ATP4A: variants seen among roughly 807,000 people sequenced by gnomAD.
The protein encoded by ATP4A is ATPase H+/K+ transporting subunit alpha.
Under a neutral mutation model 112.1 loss-of-function variants are expected in ATP4A, and 73 were observed. That is an observed-to-expected ratio of 0.65 (90% CI 0.54 to 0.79). The LOEUF (loss-of-function observed/expected upper bound fraction) is 0.79, where lower values mean the gene tolerates loss of function less well. ATP4A is among the 30% of genes least tolerant of loss of function. The pLI, the probability that ATP4A is intolerant of heterozygous loss-of-function variation, is 0.00. For missense variants in ATP4A, 1,081 were observed against 1,425.9 expected, an observed-to-expected ratio of 0.76 and a Z score of 3.90; for synonymous variants, 588 against 588.9, an observed-to-expected ratio of 1.00 and a Z score of 0.02.
rs756253917 is a variant in ATP4A at position 35,553,724 on chromosome 19, AG to A, written c.2586del (p.Tyr863ThrfsTer105). On this transcript the variant is annotated frameshift_variant, in exon 17 of 22. Transcript: ENST00000262623. LOFTEE classifies it high-confidence loss of function. ...RDRLVNEPLA[A>X]YSYFQIGAIQ... The stretch of plus-strand genomic sequence containing the variant: ...CACCCACCAATCTGGAAGTAGGAGT[AG>A]GCAGCCAGGGGCTCGTTGACCAATC... 2.5e-6 allele frequency: 4 copies of A among 1,613,592 alleles called. No individual in the cohort carries two copies. The highest frequency in any genetic ancestry group is 3.4e-6 in the Non-Finnish European group (4 of 1,179,874).
intron 16 of ATP4A, 159 bp from the exon 17 acceptor site, chr19:35,553,988 G>T: frequency 1.0e-6 from 1 of 999,118 alleles, no homozygotes; most frequent in Non-Finnish European, 1.4e-6. Context: ...GACAGCCTGG[G>T]CCCCACTGGC....
chr19:35,558,607 C>G lies in ATP4A; in HGVS notation c.1335G>C (p.Lys445Asn), dbSNP rs1017034119. Residue 445 changes from lysine (K) to asparagine (N), a missense_variant, in exon 9 of 22, where the codon AAG (lysine) becomes AAC (asparagine). Around this residue, in one of 3 missense-constraint regions of ATP4A, gnomAD observed 850 missense variants for 1,068.2 expected, o/e 0.80. Coordinates refer to ENST00000262623, the MANE Select transcript of ATP4A (RefSeq NM_000704.3). The surrounding 1 kb of genome is among the most constrained non-coding windows in gnomAD (Gnocchi z 5.1). ...VLTLCNRAAF[K>N]SGQDAVPVPK... ...GCACAGGCACTGCATCCTGGCCGGA[C>G]TTGAAGGCGGCGCGGTTGCACAGGG... The G allele has an allele frequency of 1.9e-6, 3 of 1,603,788 alleles. No individual in the cohort carries two copies. Among genetic ancestry groups the G allele is most frequent in the Non-Finnish European group, 2.6e-6 (3 of 1,176,308 alleles).
At chr19:35,553,241 G>A in intron 17 of ATP4A, 59 bp from the exon 18 acceptor site, 2 of 1,540,788 alleles carry the variant, frequency 1.3e-6, no homozygotes, top group African/African-American at 2.7e-5. Context: ...AGGGACACAG[G>A]AAGAGAGGGA....
Position 35,559,134 on chromosome 19 carries a change from G to A in ATP4A, c.1114C>T (p.Leu372=), listed in dbSNP as rs1234424423. 6.2e-7 allele frequency: 1 copy of A among 1,614,058 alleles called. No individual in the cohort carries two copies. The highest frequency in any genetic ancestry group is 8.5e-7 in the Non-Finnish European group (1 of 1,180,046). The change falls in exon 8 of 22, where the codon CTG becomes TTG. Residue 372 remains leucine (L), a synonymous_variant. Coordinates refer to ENST00000262623, the MANE Select transcript of ATP4A (RefSeq NM_000704.3). This position sits in a 1 kb window ranked among gnomAD's most constrained non-coding sequence, Gnocchi z 4.1. ...GAGCCCAATGTCTCCACCGCCTCCA[G>A]GTTCTTGACCACGCAGTTCTTACTG... ...LASKNCVVKN[L]EAVETLGSTS... is the part of the protein sequence containing the mutation.
chr19:35,551,571 GC>G lies in ATP4A; in HGVS notation c.2760del (p.Gln921SerfsTer47). ...QDSYGQEWTFGQRLYQQYTCY... is the reference protein window; with the variant it reads ...QDSYGQEWTFXQRLYQQYTCY... ...CAGGTGTACTGCTGGTACAGGCGCT[GC>G]CCGAATGTCTGCAGGCCAGGGGCAA... On this transcript the variant is annotated frameshift_variant, in exon 19 of 22. Transcript: ENST00000262623. LOFTEE classifies it high-confidence loss of function. The surrounding 1 kb of genome is among the most constrained non-coding windows in gnomAD (Gnocchi z 5.2). 6.2e-7 allele frequency: 1 copy of G among 1,612,628 alleles called. No individual in the cohort carries two copies. Among genetic ancestry groups the G allele is most frequent in the South Asian group, 1.1e-5 (1 of 90,750 alleles).
chr19:35,556,751 T>C (rs2071633331), intron 12 of ATP4A, among the ~76,000 whole-genome samples, 162 bp downstream of exon 12: 1 of 152,236 alleles, frequency 6.6e-6, no homozygotes, highest in Admixed American at 6.5e-5. Context: ...CTCCTGGATC[T>C]GGCTAGACCT....
At position 35,557,036 on chromosome 19, in the gene ATP4A, G is replaced by C; in HGVS notation, c.1746C>G (p.Phe582Leu). ...ATGGAAAGTTCATGGCCTCTACGTC[G>C]AAGGCATAGCCAGGCGGGTAGTCCT... ...NEKDYPPGYA[F>L]DVEAMNFPSS... is the part of the protein sequence containing the mutation. Residue 582 changes from phenylalanine (F) to leucine (L), a missense_variant, in exon 12 of 22, where the codon TTC becomes TTG. Physicochemically the swap from Phe to Leu is conservative, Grantham distance 22. Transcript: ENST00000262623. This position sits in a 1 kb window ranked among gnomAD's most constrained non-coding sequence, Gnocchi z 4.4. 6.2e-7 allele frequency: 1 copy of C among 1,614,196 alleles called. No homozygotes were observed. The highest frequency in any genetic ancestry group is 8.5e-7 in the Non-Finnish European group (1 of 1,180,032).
Position 35,555,858 on chromosome 19 carries a change from A to C in ATP4A, c.1870-46T>G, listed in dbSNP as rs1428450015. The stretch of plus-strand genomic sequence containing the variant: ...TCACTGACCCCTTCAGATCAGCCCA[A>C]TCTCCCTGTCCTCCCTGGGAGACAT... On this transcript the variant is annotated intron_variant, in intron 12 of 21. Transcript: ENST00000262623. The surrounding 1 kb of genome is among the most constrained non-coding windows in gnomAD (Gnocchi z 6.6). The C allele has an allele frequency of 2.6e-6, 4 of 1,563,788 alleles. No individual in the cohort carries two copies. The highest frequency in any genetic ancestry group is 3.5e-6 in the Non-Finnish European group (4 of 1,147,760).
rs1023422591 is a variant in ATP4A, at chr19:35,557,971, C to A, written c.1501-124G>T. ...AGCTCGGTGCGGGCTCTGAGAGCTGCGGGGAAGGGTGAAGGTGGAAGATGG... is the reference window on the plus strand; with the variant it reads ...AGCTCGGTGCGGGCTCTGAGAGCTGAGGGGAAGGGTGAAGGTGGAAGATGG... On this transcript the variant is annotated intron_variant, in intron 10 of 21. Coordinates refer to ENST00000262623, the MANE Select transcript of ATP4A (RefSeq NM_000704.3). This position sits in a 1 kb window ranked among gnomAD's most constrained non-coding sequence, Gnocchi z 4.4. 8 of 801,502 alleles carry A rather than the reference C, an allele frequency of 1.0e-5. No homozygotes were observed. The Admixed American group carries it at 1.9e-4, about 19-fold the overall frequency. The allele number at this position is 801,502 out of a possible 1,614,324, so 49.6% of individuals were successfully genotyped here.
chr19:35,554,867 G>A (rs1389373975), intron 16 of ATP4A, 55 bp downstream of exon 16: 3 of 1,608,186 alleles, frequency 1.9e-6, no homozygotes, highest in Non-Finnish European at 2.6e-6. Context: ...CTGTCCATCT[G>A]CAAGCAAGTG....
chr19:35,557,953 T>A lies in ATP4A; in HGVS notation c.1501-106A>T, dbSNP rs559125761. The A allele has an allele frequency of 4.3e-6, 4 of 929,214 alleles. No individual in the cohort carries two copies. In the African/African-American group the frequency reaches 5.2e-5, roughly 12 times the overall value. The allele number at this position is 929,214 out of a possible 1,614,324, so 57.6% of individuals were successfully genotyped here. On this transcript the variant is annotated intron_variant, in intron 10 of 21. Transcript: ENST00000262623. The surrounding 1 kb of genome is among the most constrained non-coding windows in gnomAD (Gnocchi z 4.4). ...GAGAGGGGCGGGGCCGAGAGCTCGG[T>A]GCGGGCTCTGAGAGCTGCGGGGAAG...
At position 35,551,383 on chromosome 19, in the gene ATP4A, G is replaced by A. The variant is rs1219125735; in HGVS notation, c.2885+64C>T. Reference sequence around the variant, plus strand: ...CATTTGCCGGCTGTTCTAAACCACAGTCAGGATCTGATGGGAGTTGGGACC... The same window carrying A: ...CATTTGCCGGCTGTTCTAAACCACAATCAGGATCTGATGGGAGTTGGGACC... On this transcript the variant is annotated intron_variant, in intron 19 of 21. Coordinates refer to ENST00000262623, the MANE Select transcript of ATP4A (RefSeq NM_000704.3). This position sits in a 1 kb window ranked among gnomAD's most constrained non-coding sequence, Gnocchi z 5.2. 2 of 1,611,264 alleles carry A rather than the reference G, an allele frequency of 1.2e-6. No homozygotes were observed. Among genetic ancestry groups the A allele is most frequent in the Non-Finnish European group, 8.5e-7 (1 of 1,178,988 alleles).
chr19:35,552,953 G>A, intron 18 of ATP4A, 84 bp downstream of exon 18: 1 of 1,478,312 alleles, frequency 6.8e-7, no homozygotes, highest in Non-Finnish European at 9.1e-7. Context: ...AGTCACACGT[G>A]GAGGAACAAG....
chr19:35,559,156 A>G lies in ATP4A; in HGVS notation c.1092T>C (p.Ser364=). 2 of 1,614,084 alleles carry G rather than the reference A, an allele frequency of 1.2e-6. No individual in the cohort carries two copies. The highest frequency in any genetic ancestry group is 1.7e-6 in the Non-Finnish European group (2 of 1,180,012). Residue 364 remains serine (S), a synonymous_variant, in exon 8 of 22, where the codon AGT becomes AGC. Coordinates refer to ENST00000262623, the MANE Select transcript of ATP4A (RefSeq NM_000704.3). This position sits in a 1 kb window ranked among gnomAD's most constrained non-coding sequence, Gnocchi z 4.1. ...CLSLTAKRLA[S]KNCVVKNLEA... is the part of the protein sequence containing the mutation. ...CCAGGTTCTTGACCACGCAGTTCTT[A>G]CTGGCCAGGCGCTTGGCTGTCAGGG...
chr19:35,562,402 A>AT (rs2071676093), intron 4 of ATP4A, 33 bp downstream of exon 4: 2 of 1,599,566 alleles, frequency 1.3e-6, no homozygotes, highest in Admixed American at 3.4e-5. Flanking sequence ...CCAGGTCCCC[A>AT]TGTCCTGAGC....
intron 4 of ATP4A, among the ~76,000 whole-genome samples, chr19:35,561,884 C>T (rs140476584): frequency 0.01 from 1,375 of 132,620 alleles, 46 homozygotes; most frequent in East Asian, 0.086. Flanking sequence ...AAGATGCAGT[C>T]TCGCTCTGTC....
chr19:35,554,201 C>T (rs563972610), intron 16 of ATP4A, among the ~76,000 whole-genome samples: 1 of 151,866 alleles, frequency 6.6e-6, no homozygotes, highest in Admixed American at 6.6e-5. Flanking sequence ...TCAGTGTCGC[C>T]GTGCCCCTTC....
In ATP4A at chr19:35,559,314, A is replaced by G. The variant is rs2071653359; in HGVS notation, c.1057-123T>C. ...GGCTGCGTGTGCAACGTGCTTCTGCAAACACCAGGTGTTTTCTTGGCCCCA... is the reference window on the plus strand; with the variant it reads ...GGCTGCGTGTGCAACGTGCTTCTGCGAACACCAGGTGTTTTCTTGGCCCCA... On this transcript the variant is annotated intron_variant, in intron 7 of 21. Transcript: ENST00000262623. The surrounding 1 kb of genome is among the most constrained non-coding windows in gnomAD (Gnocchi z 4.1). The G allele has an allele frequency of 5.0e-6, 5 of 1,008,904 alleles. No homozygotes were observed. The highest frequency in any genetic ancestry group is 1.5e-6 in the Non-Finnish European group (1 of 674,068). 62.5% of individuals were successfully genotyped at this position (1,008,904 alleles called of 1,614,324 possible).
chr19:35,560,080 G>C lies in ATP4A; in HGVS notation c.788-7C>G. 1 of 1,613,156 alleles carries C rather than the reference G, an allele frequency of 6.2e-7. No individual in the cohort carries two copies. Among genetic ancestry groups the C allele is most frequent in the Non-Finnish European group, 8.5e-7 (1 of 1,179,484 alleles). On this transcript the variant is annotated splice_polypyrimidine_tract_variant and splice_region_variant and intron_variant, in intron 6 of 21. Coordinates refer to ENST00000262623, the MANE Select transcript of ATP4A (RefSeq NM_000704.3). The surrounding 1 kb of genome is among the most constrained non-coding windows in gnomAD (Gnocchi z 5.1). ...ACCAGGCCCTGCACGGTGCCTGCAG[G>C]GGGGCCAAGGCGCGACTCAGGGATA...
Sources: allele counts gnomAD v4.1 joint callset (sites outside exome capture counted in the v4.1 genomes callset), GRCh38; gene constraint gnomAD v4.1.1; regional missense constraint gnomAD v4.1.1; non-coding constraint Gnocchi (gnomAD v3.1); transcripts MANE v1.5; gene names NCBI Gene and HGNC (gene_info 2026-07-23, HGNC 2026-07-21).